The following KIAA0753 variants were observed in gnomAD, a reference collection of about 807,000 sequenced individuals.
KIAA0753 encodes KIAA0753.
In KIAA0753, 114 loss-of-function variants were observed where a neutral mutation model predicts 116.9. The observed-to-expected ratio is 0.98, with a 90% CI of 0.84 to 1.14. The LOEUF is 1.14. KIAA0753 is among the 50% of genes most tolerant of loss of function. The pLI is 0.00. For missense variants in KIAA0753, 1,156 were observed against 1,172.4 expected (o/e 0.99, Z 0.20); for synonymous variants, 405 against 413.1 (o/e 0.98, Z 0.24).
At chr17:6,623,182 G>A (rs1382621112) in intron 5 of KIAA0753, 85 bp from the exon 6 acceptor site, 1 of 1,281,980 alleles carries the variant, frequency 7.8e-7, no homozygotes, top group Non-Finnish European at 1.1e-6. Flanking sequence ...TTTATAGCCT[G>A]TCTTCTTTCT....
intron 7 of KIAA0753, among the ~76,000 whole-genome samples, chr17:6,619,540 C>T (rs969025347): frequency 6.6e-6 from 1 of 152,106 alleles, no homozygotes; most frequent in Admixed American, 6.5e-5. Context: ...GATCCTCCTG[C>T]CTCAGCCTTC....
Position 6,635,031 on chromosome 17 carries a change from G to C in KIAA0753, c.73C>G (p.Pro25Ala), listed in dbSNP as rs779995556. ...ACTACCTGGGTCTGAAGTACTTTGG[G>C]GTCGCTCCTCCCATCAAGTTGGGTC... ...PRTQLDGRSD[P>A]KVLQTQNQLQ... Residue 25 changes from proline to alanine, a missense_variant, in exon 2 of 19, where the codon CCC becomes GCC. By Grantham distance (27) the Pro-to-Ala change is conservative. Coordinates refer to ENST00000361413, the MANE Select transcript of KIAA0753 (RefSeq NM_014804.3). 9.3e-6 allele frequency: 15 copies of C among 1,610,792 alleles called. No homozygotes were observed. In the East Asian group the frequency reaches 2.9e-4, roughly 31 times the overall value.
At chr17:6,621,777 A>G (rs1971344831) in intron 6 of KIAA0753, among the ~76,000 whole-genome samples, 1 of 152,188 alleles carries the variant, frequency 6.6e-6, no homozygotes, top group South Asian at 2.1e-4. Context: ...CCTTTATAGG[A>G]TTATGAAGAT....
At position 6,580,947 on chromosome 17, in the gene KIAA0753, G is replaced by A. The variant is rs1046444242; in HGVS notation, c.2787-1083C>T. On this transcript the variant is annotated intron_variant, in intron 18 of 18. Coordinates refer to ENST00000361413, the MANE Select transcript of KIAA0753 (RefSeq NM_014804.3). ...ACACACACACCTTCATTTTCTGAAC[G>A]GCGCAAGCTTCGTATCTCCCAAGTA... 6.7e-5 allele frequency among the ~76,000 whole-genome samples: 10 copies of A among 148,484 alleles called. No homozygotes were observed. In the East Asian group the frequency reaches 1.2e-3, roughly 17 times the overall value.
At chr17:6,612,981 G>A (rs1184053133) in intron 7 of KIAA0753, among the ~76,000 whole-genome samples, 1 of 152,066 alleles carries the variant, frequency 6.6e-6, no homozygotes, top group African/African-American at 2.4e-5. Context: ...CTCCATATAA[G>A]ACATTCAACC....
intron 12 of KIAA0753, among the ~76,000 whole-genome samples, chr17:6,606,509 A>G (rs1055772802): frequency 2.0e-5 from 3 of 152,376 alleles, no homozygotes; most frequent in Admixed American, 1.3e-4. Flanking sequence ...TAAAGTAGCT[A>G]TATGTTGATT....
chr17:6,607,174 T>C lies in KIAA0753; in HGVS notation c.1919+7A>G, dbSNP rs992145505. ...TACCTTTTCCTAACTCAGAAGCAAATATTTACCTCTGTTTTTGCATGCTGT... is the reference window on the plus strand; with the variant it reads ...TACCTTTTCCTAACTCAGAAGCAAACATTTACCTCTGTTTTTGCATGCTGT... On this transcript the variant is annotated splice_region_variant and intron_variant, in intron 11 of 18. Transcript: ENST00000361413. 1.4e-5 allele frequency: 22 copies of C among 1,610,370 alleles called. No individual in the cohort carries two copies. Among genetic ancestry groups the C allele is most frequent in the Non-Finnish European group, 1.8e-5 (21 of 1,176,626 alleles).
Position 6,614,427 on chromosome 17 carries a change from CCTATACAG to C in KIAA0753, c.1316-2287_1316-2280del, listed in dbSNP as rs544650233. Among the ~76,000 whole-genome samples, 963 of 150,820 alleles carry C rather than the reference CCTATACAG, an allele frequency of 6.4e-3. 11 individuals are homozygous for C. The highest frequency in any genetic ancestry group is 0.021 in the African/African-American group (866 of 41,144). ...CTATGGTATATTCATATAAGGGAAA[CCTATACAG>C]CAGTAAAATTAATAAATGAGAATTC... On this transcript the variant is annotated intron_variant, in intron 7 of 18. Coordinates refer to ENST00000361413, the MANE Select transcript of KIAA0753 (RefSeq NM_014804.3).
At chr17:6,632,093 G>T (rs890935609) in intron 2 of KIAA0753, among the ~76,000 whole-genome samples, 1 of 151,982 alleles carries the variant, frequency 6.6e-6, no homozygotes, top group Non-Finnish European at 1.5e-5. Context: ...AGCAACATGG[G>T]GTTTCACCAT....
In KIAA0753 at chr17:6,623,496, A is replaced by C. The variant is rs1371684726; in HGVS notation, c.888+13T>G. Reference sequence around the variant, plus strand: ...TATAAGCAAGTATTGATCATAATTTAATTGCAGCATACCTTCTTAGTGTGT... The same window carrying C: ...TATAAGCAAGTATTGATCATAATTTCATTGCAGCATACCTTCTTAGTGTGT... On this transcript the variant is annotated intron_variant, in intron 5 of 18. Transcript: ENST00000361413. 3 of 1,577,706 alleles carry C rather than the reference A, an allele frequency of 1.9e-6. No homozygotes were observed. Among genetic ancestry groups the C allele is most frequent in the Non-Finnish European group, 1.7e-6 (2 of 1,151,246 alleles).
At chr17:6,581,880 T>C (rs1968204621) in intron 18 of KIAA0753, among the ~76,000 whole-genome samples, 1 of 152,202 alleles carries the variant, frequency 6.6e-6, no homozygotes, top group Non-Finnish European at 1.5e-5. Flanking sequence ...CTGAGGCTTA[T>C]CTTACATTTT....
chr17:6,637,561 T>C (rs1422143049), intron 1 of KIAA0753: 2 of 152,692 alleles, frequency 1.3e-5, no homozygotes, highest in African/African-American at 2.4e-5. Context: ...GCCAGAGACA[T>C]GCTCAAAGAT....
intron 12 of KIAA0753, among the ~76,000 whole-genome samples, chr17:6,604,711 T>G (rs1477846883): frequency 2.0e-5 from 3 of 151,924 alleles, no homozygotes; most frequent in Non-Finnish European, 4.4e-5. Context: ...AGGTTCTGTA[T>G]CTCGACTATA....
chr17:6,620,980 C>T lies in KIAA0753; in HGVS notation c.1123G>A (p.Glu375Lys), dbSNP rs540883922. 1.9e-6 allele frequency: 3 copies of T among 1,613,080 alleles called. No homozygotes were observed. The highest frequency in any genetic ancestry group is 4.5e-5 in the East Asian group (2 of 44,870). Reference sequence around the variant, plus strand: ...ACCTTTTTTGGTGACAGTTTCTTTTCCAGGAGAGATTCCAAAGCCTGCCAC... The same window carrying T: ...ACCTTTTTTGGTGACAGTTTCTTTTTCAGGAGAGATTCCAAAGCCTGCCAC... The part of the protein sequence containing the change: ...QQIEALESLL[E>K]KKLSPKKVKK... The change falls in exon 7 of 19, where the codon GAA (glutamate) becomes AAA (lysine). Residue 375 changes from glutamate (E) to lysine (K), a missense_variant. Physicochemically the swap from Glu to Lys is moderately conservative, Grantham distance 56. Transcript: ENST00000361413.
At position 6,580,682 on chromosome 17, in the gene KIAA0753, C is replaced by T. The variant is rs543295000; in HGVS notation, c.2787-818G>A. On this transcript the variant is annotated intron_variant, in intron 18 of 18. Coordinates refer to ENST00000361413, the MANE Select transcript of KIAA0753 (RefSeq NM_014804.3). ...TCTCCTAGACAGAAGGATGGTGGTG[C>T]TTAGATCCCAAAGTCCTGCTAGAGG... Among the ~76,000 whole-genome samples the T allele has an allele frequency of 5.3e-5, 8 of 152,260 alleles. No homozygotes were observed. In the South Asian group the frequency reaches 1.7e-3, roughly 32 times the overall value.
At chr17:6,591,902 ACT>A (rs1969097917) in intron 16 of KIAA0753, among the ~76,000 whole-genome samples, 2 of 152,236 alleles carry the variant, frequency 1.3e-5, no homozygotes, top group African/African-American at 4.8e-5. Context: ...ACAATGACAA[ACT>A]CTCTGCTTTC....
Position 6,623,490 on chromosome 17 carries a change from T to C in KIAA0753, c.888+19A>G. 1 of 1,563,408 alleles carries C rather than the reference T, an allele frequency of 6.4e-7. No individual in the cohort carries two copies. Among genetic ancestry groups the C allele is most frequent in the Non-Finnish European group, 8.8e-7 (1 of 1,138,092 alleles). On this transcript the variant is annotated intron_variant, in intron 5 of 18. Transcript: ENST00000361413. Reference sequence around the variant, plus strand: ...GTCATTTATAAGCAAGTATTGATCATAATTTAATTGCAGCATACCTTCTTA... The same window carrying C: ...GTCATTTATAAGCAAGTATTGATCACAATTTAATTGCAGCATACCTTCTTA...
intron 12 of KIAA0753, among the ~76,000 whole-genome samples, chr17:6,602,585 C>A (rs1276201298): frequency 6.6e-6 from 1 of 152,126 alleles, no homozygotes; most frequent in Non-Finnish European, 1.5e-5. Flanking sequence ...TAAAAGAAAT[C>A]AAAGCAACTG....
intron 7 of KIAA0753, among the ~76,000 whole-genome samples, chr17:6,612,835 T>C (rs1291187827): frequency 2.0e-5 from 3 of 152,160 alleles, no homozygotes; most frequent in Non-Finnish European, 2.9e-5. Flanking sequence ...GCCATTGCAC[T>C]CCAGCCTGAG....
Sources: allele counts gnomAD v4.1 joint callset (sites outside exome capture counted in the v4.1 genomes callset), GRCh38; gene constraint gnomAD v4.1.1; transcripts MANE v1.5; gene names NCBI Gene and HGNC (gene_info 2026-07-23, HGNC 2026-07-21).